Variants in FANCB observed in about 807,000 individuals in gnomAD.
The protein encoded by FANCB is FA complementation group B.
Under a neutral mutation model 38.9 loss-of-function variants are expected in FANCB, and 5 were observed. The observed-to-expected ratio is 0.13, with a 90% confidence interval of 0.07 to 0.27. FANCB has a LOEUF of 0.27. Ranked by LOEUF, FANCB falls within the 10% of genes least tolerant of loss-of-function variation. The pLI is 1.00. For missense variants in FANCB, 573 were observed against 602.7 expected (o/e 0.95, Z 0.52); for synonymous variants, 236 against 215.4 (o/e 1.10, Z -0.84).
the FANCB span, among the ~76,000 whole-genome samples, chrX:14,721,668 T>C: frequency 9.0e-6 from 1 of 111,480 alleles, no homozygotes; most frequent in Non-Finnish European, 1.9e-5. Context: ...TATATGATTT[T>C]TTCCCCTGAG....
chrX:14,816,536 G>A, the FANCB span, among the ~76,000 whole-genome samples: 5 of 111,712 alleles, frequency 4.5e-5, no homozygotes, highest in Non-Finnish European at 9.4e-5. Context: ...CTATCATAGG[G>A]TTTCTCAACC....
downstream of FANCB, among the ~76,000 whole-genome samples, chrX:14,839,341 G>T (rs2092349034): frequency 9.1e-6 from 1 of 110,076 alleles, no homozygotes; most frequent in Non-Finnish European, 1.9e-5. Flanking sequence ...AAGAAAGAAA[G>T]AAATGAGAAC....
chrX:14,807,932 C>T, the FANCB span, among the ~76,000 whole-genome samples: 1 of 111,553 alleles, frequency 9.0e-6, no homozygotes, highest in African/African-American at 3.3e-5. Context: ...CTACTATGAG[C>T]AACCATATGC....
At chrX:14,768,006 T>C in the FANCB span, among the ~76,000 whole-genome samples, 1 of 111,572 alleles carries the variant, frequency 9.0e-6, no homozygotes, top group Non-Finnish European at 1.9e-5. Context: ...TTCAGTCTTA[T>C]TTCTGAGTTC....
At chrX:14,848,114 A>G (rs183044377) in intron 7 of FANCB, among the ~76,000 whole-genome samples, 67 of 112,292 alleles carry the variant, frequency 6.0e-4, no homozygotes, top group African/African-American at 1.7e-3. Context: ...ACAACCAAAT[A>G]TCAAAGAGTA....
chrX:14,821,564 AAG>A, the FANCB span, among the ~76,000 whole-genome samples: 1 of 112,405 alleles, frequency 8.9e-6, no homozygotes, highest in Non-Finnish European at 1.9e-5. Context: ...CTAACAGAGT[AAG>A]ACAAAACATT....
At chrX:14,849,832 A>C (rs2092393185) in intron 7 of FANCB, among the ~76,000 whole-genome samples, 1 of 111,696 alleles carries the variant, frequency 9.0e-6, no homozygotes, top group South Asian at 3.7e-4. Flanking sequence ...TGTAAAAGAG[A>C]TACTTCTAGA....
the FANCB span, among the ~76,000 whole-genome samples, chrX:14,713,215 A>G: frequency 8.9e-6 from 1 of 112,122 alleles, no homozygotes; most frequent in South Asian, 3.7e-4. Context: ...TTTTGAGTTT[A>G]GTAGTGGGTT....
chrX:14,733,658 CT>C, the FANCB span, among the ~76,000 whole-genome samples: 1 of 112,059 alleles, frequency 8.9e-6, no homozygotes, highest in African/African-American at 3.2e-5. Context: ...CATCATTTGA[CT>C]CTCTGTTTAT....
At chrX:14,821,124 CT>C in the FANCB span, among the ~76,000 whole-genome samples, 91 of 107,619 alleles carry the variant, frequency 8.5e-4, no homozygotes, top group Admixed American at 6.5e-3. Flanking sequence ...GTCTATACAA[CT>C]TTTTTTTTTG....
intron 1 of FANCB, among the ~76,000 whole-genome samples, chrX:14,871,542 T>G (rs376765443): frequency 9.0e-6 from 1 of 110,576 alleles, no homozygotes; most frequent in East Asian, 2.8e-4. Flanking sequence ...AAAACCTCAA[T>G]GAACACCAAT....
the FANCB span, among the ~76,000 whole-genome samples, chrX:14,742,927 GT>G: frequency 8.8e-6 from 1 of 113,164 alleles, no homozygotes; most frequent in Non-Finnish European, 1.9e-5. Context: ...CGCCAGTATA[GT>G]TTATAAATTG....
chrX:14,842,340 G>T (rs1038512436), downstream of FANCB, among the ~76,000 whole-genome samples: 17 of 111,548 alleles, frequency 1.5e-4, no homozygotes, highest in Admixed American at 9.5e-4. Context: ...AAGATCATTA[G>T]GTATAAGCAT....
the FANCB span, among the ~76,000 whole-genome samples, chrX:14,707,111 CA>C: frequency 8.9e-6 from 1 of 111,998 alleles, no homozygotes; most frequent in Non-Finnish European, 1.9e-5. Flanking sequence ...TTCATTACAG[CA>C]CCATTTCCTG....
the FANCB span, among the ~76,000 whole-genome samples, chrX:14,709,266 C>T: frequency 2.5e-4 from 28 of 111,130 alleles, no homozygotes; most frequent in Non-Finnish European, 4.0e-4. Flanking sequence ...CTACAGACCC[C>T]CCATCATGTG....
At chrX:14,794,898 C>T in the FANCB span, among the ~76,000 whole-genome samples, 1 of 112,411 alleles carries the variant, frequency 8.9e-6, no homozygotes, top group Non-Finnish European at 1.9e-5. Context: ...GGACCATAGC[C>T]ACTCTGCTAT....
downstream of FANCB, among the ~76,000 whole-genome samples, chrX:14,842,682 G>A (rs955872440): frequency 1.8e-5 from 2 of 111,757 alleles, no homozygotes; most frequent in African/African-American, 3.3e-5. Flanking sequence ...AGTCCCTAAG[G>A]AGTGCCATAT....
the FANCB span, among the ~76,000 whole-genome samples, chrX:14,716,448 AG>A: frequency 6.3e-5 from 7 of 111,806 alleles, no homozygotes; most frequent in Non-Finnish European, 1.3e-4. Flanking sequence ...AGAGGATGGA[AG>A]TCCTTTGAGG....
chrX:14,691,588 T>A, the FANCB span, among the ~76,000 whole-genome samples: 3 of 111,356 alleles, frequency 2.7e-5, no homozygotes, highest in Non-Finnish European at 3.8e-5. Context: ...GGGGATATTT[T>A]AAAAATCCCA....
Sources: gnomAD v4.1 joint callset for allele counts (sites outside exome capture counted in the v4.1 genomes callset) on GRCh38, gnomAD v4.1.1 for gene constraint, MANE v1.5 for transcripts, NCBI Gene and HGNC (gene_info 2026-07-23, HGNC 2026-07-21) for gene names.